The following SERINC5 variants were observed in gnomAD, a reference collection of about 807,000 sequenced individuals.
The protein encoded by SERINC5 is serine incorporator 5.
In SERINC5, 41 loss-of-function variants were observed where a neutral mutation model predicts 63.1. That is an observed-to-expected ratio of 0.65 (90% CI 0.51 to 0.84). SERINC5 has a LOEUF of 0.84. SERINC5 is among the 40% of genes least tolerant of loss of function. The pLI is 0.00. For synonymous variants in SERINC5, 222 were observed against 215.2 expected, an observed-to-expected ratio of 1.03 and a Z score of -0.28; for missense variants, 523 against 573.0, an observed-to-expected ratio of 0.91 and a Z score of 0.89.
intron 7 of SERINC5, among the ~76,000 whole-genome samples, chr5:80,163,551 T>A (rs931388897): frequency 1.3e-5 from 2 of 152,088 alleles, no homozygotes; most frequent in Admixed American, 1.3e-4. Context: ...TGAGGGTTTT[T>A]TTTTTTACCA....
rs772726529 is a variant in SERINC5 at position 80,143,744 on chromosome 5, G to A, written c.1305C>T (p.Ala435=). 1.0e-5 allele frequency: 16 copies of A among 1,535,994 alleles called. No homozygotes were observed. The highest frequency in any genetic ancestry group is 1.4e-5 in the African/African-American group (1 of 73,036). ...ACAACAGCACGCATATCCAGCAGGA[G>A]GCCATCTTGACCCAGAAGATGGACC... ...GSWSIFWVKM[A]SCWICVLLYL... is the part of the protein sequence containing the mutation. Residue 435 remains alanine (A), a synonymous_variant, in exon 12 of 12, where the codon GCC becomes GCT. Coordinates refer to ENST00000507668, the MANE Select transcript of SERINC5 (RefSeq NM_001174072.3).
chr5:80,169,305 G>C, intron 6 of SERINC5, 30 bp downstream of exon 6: 3 of 1,581,536 alleles, frequency 1.9e-6, no homozygotes, highest in Non-Finnish European at 1.7e-6. Context: ...GAAAATATAA[G>C]TAACGAAGAA....
chr5:80,234,468 A>G (rs376220187), intron 1 of SERINC5, among the ~76,000 whole-genome samples: 1 of 152,186 alleles, frequency 6.6e-6, no homozygotes, highest in African/African-American at 2.4e-5. Context: ...AAAATGTGTT[A>G]AACTCTGTTA....
At position 80,183,783 on chromosome 5, in the gene SERINC5, C is replaced by T. The variant is rs141735380; in HGVS notation, c.196-5719G>A. On this transcript the variant is annotated intron_variant, in intron 2 of 11. Transcript: ENST00000507668. ...TAAATCCTATAAAACGGCCCCACCC[C>T]TATCTCCCTTCGCTGACTCTCTTTT... Among the ~76,000 whole-genome samples the T allele has an allele frequency of 3.9e-4, 60 of 152,266 alleles. 1 individual carries two copies. The highest frequency in any genetic ancestry group is 1.2e-3 in the African/African-American group (48 of 41,538).
intron 9 of SERINC5, among the ~76,000 whole-genome samples, chr5:80,147,729 A>G (rs1275985795): frequency 6.6e-6 from 1 of 152,206 alleles, no homozygotes; most frequent in Non-Finnish European, 1.5e-5. Flanking sequence ...TATCCCACGC[A>G]ACAAACTGCC....
At chr5:80,153,834 T>C (rs1024071776) in intron 8 of SERINC5, among the ~76,000 whole-genome samples, 8 of 149,568 alleles carry the variant, frequency 5.3e-5, no homozygotes, top group African/African-American at 2.0e-4. Flanking sequence ...AAAAGCCGTG[T>C]CCTGTTTCCC....
chr5:80,162,094 T>C (rs909123334), intron 7 of SERINC5, among the ~76,000 whole-genome samples: 3 of 152,252 alleles, frequency 2.0e-5, no homozygotes, highest in Non-Finnish European at 4.4e-5. Context: ...CATGCTGTTT[T>C]GCTTACTGTA....
In SERINC5 at chr5:80,140,623, A is replaced by C; in HGVS notation, c.*3040T>G. On this transcript the variant is annotated 3_prime_UTR_variant, in exon 12 of 12. Transcript: ENST00000507668. ...AACCAATCAGTATTTAAAAAGCTAGACACAGTAAAGACGTGGTTGGGTTTC... is the reference window on the plus strand; with the variant it reads ...AACCAATCAGTATTTAAAAAGCTAGCCACAGTAAAGACGTGGTTGGGTTTC... 3 of 985,338 alleles carry C rather than the reference A, an allele frequency of 3.0e-6. 1 individual carries two copies. The African/African-American group carries it at 5.2e-5, about 17-fold the overall frequency. 61.0% of individuals were successfully genotyped at this position (985,338 alleles called of 1,614,324 possible). A position where few individuals can be genotyped will look rare whatever the true frequency, so the allele number is the denominator to read the frequency against.
chr5:80,223,971 C>CAA (rs958053392), intron 1 of SERINC5, among the ~76,000 whole-genome samples: 1 of 139,686 alleles, frequency 7.2e-6, no homozygotes, highest in East Asian at 2.1e-4. Context: ...GATAAAAATA[C>CAA]AAAAAAAAAA....
intron 1 of SERINC5, among the ~76,000 whole-genome samples, chr5:80,208,790 C>T (rs1218576049): frequency 6.6e-6 from 1 of 152,152 alleles, no homozygotes; most frequent in African/African-American, 2.4e-5. Context: ...ATAACAAACA[C>T]TAGAAACAGC....
chr5:80,211,210 G>C (rs573789285), intron 1 of SERINC5, among the ~76,000 whole-genome samples: 1 of 152,318 alleles, frequency 6.6e-6, no homozygotes, highest in Non-Finnish European at 1.5e-5. Flanking sequence ...AAGCACACGT[G>C]AGACAAAATG....
In SERINC5 at chr5:80,175,876, AAAAAAAAAAG is replaced by A. The variant is rs1179234392; in HGVS notation, c.458-839_458-830del. Among the ~76,000 whole-genome samples, 73 of 143,142 alleles carry A rather than the reference AAAAAAAAAAG, an allele frequency of 5.1e-4. 2 individuals carry two copies. Among genetic ancestry groups the A allele is most frequent in the Admixed American group, 3.9e-3 (56 of 14,314 alleles). The allele number at this position is 143,142 out of a possible 152,430, so 93.9% of individuals were successfully genotyped here. ...GAGACTTGGTCTCAAAAAAAAAAAA[AAAAAAAAAAG>A]GACTGAGCTTGGCCGGCCGCAGTGG... On this transcript the variant is annotated intron_variant, in intron 4 of 11. Coordinates refer to ENST00000507668, the MANE Select transcript of SERINC5 (RefSeq NM_001174072.3).
At chr5:80,172,803 A>G (rs368116999) in intron 5 of SERINC5, among the ~76,000 whole-genome samples, 1 of 152,234 alleles carries the variant, frequency 6.6e-6, no homozygotes, top group East Asian at 1.9e-4. Context: ...TGTGCGTGGG[A>G]GACGACCAAC....
intron 1 of SERINC5, among the ~76,000 whole-genome samples, chr5:80,241,486 G>A (rs562604293): frequency 2.8e-4 from 42 of 151,942 alleles, no homozygotes; most frequent in Non-Finnish European, 2.9e-5. Context: ...ATAAGAAGAA[G>A]AAATAAAAAG....
chr5:80,165,245 T>C (rs551221596), intron 7 of SERINC5, among the ~76,000 whole-genome samples: 1 of 152,090 alleles, frequency 6.6e-6, no homozygotes, highest in Non-Finnish European at 1.5e-5. Flanking sequence ...ACTTAAGACC[T>C]CCACTTACAT....
At chr5:80,225,744 T>C (rs1224956454) in intron 1 of SERINC5, among the ~76,000 whole-genome samples, 1 of 151,922 alleles carries the variant, frequency 6.6e-6, no homozygotes, top group African/African-American at 2.4e-5. Context: ...TGCACACGAG[T>C]GTGTACGCAA....
downstream of SERINC5, chr5:80,138,606 GA>G (rs112745213): frequency 0.039 from 6,551 of 167,558 alleles, 449 homozygotes; most frequent in African/African-American, 0.15. Context: ...CAAAAAAACA[GA>G]AAAAAAAAAT....
chr5:80,238,172 C>T (rs1214272691), intron 1 of SERINC5, among the ~76,000 whole-genome samples: 2 of 151,654 alleles, frequency 1.3e-5, no homozygotes, highest in Admixed American at 6.6e-5. Flanking sequence ...CATTCCTCCC[C>T]GCCCCCCATC....
chr5:80,239,560 C>T (rs1274572305), intron 1 of SERINC5, among the ~76,000 whole-genome samples: 1 of 151,416 alleles, frequency 6.6e-6, no homozygotes, highest in African/African-American at 2.4e-5. Flanking sequence ...CATGAAAACC[C>T]AATCATCATG....
Sources: allele counts gnomAD v4.1 joint callset (sites outside exome capture counted in the v4.1 genomes callset), GRCh38; gene constraint gnomAD v4.1.1; transcripts MANE v1.5; gene names NCBI Gene and HGNC (gene_info 2026-07-23, HGNC 2026-07-21).